ZNF385B: variants seen among roughly 807,000 people sequenced by gnomAD.
ZNF385B encodes the protein zinc finger protein 533.
Under a neutral mutation model 39.2 loss-of-function variants are expected in ZNF385B, and 23 were observed. The observed-to-expected ratio is 0.59, with a 90% CI of 0.42 to 0.83. The LOEUF (loss-of-function observed/expected upper bound fraction) is 0.83, where lower values mean the gene tolerates loss of function less well. Among genes scored for constraint, ZNF385B ranks in the 40% least tolerant of loss-of-function variants. The pLI is 0.00. For synonymous variants in ZNF385B, 205 were observed against 222.6 expected, an observed-to-expected ratio of 0.92 and a Z score of 0.70; for missense variants, 552 against 598.9, an observed-to-expected ratio of 0.92 and a Z score of 0.82.
At chr2:179,553,369 C>T (rs1262038970) in intron 3 of ZNF385B, among the ~76,000 whole-genome samples, 2 of 148,856 alleles carry the variant, frequency 1.3e-5, no homozygotes, top group African/African-American at 5.1e-5. Context: ...AGGCACAGTG[C>T]TAGCAATGAC....
chr2:179,555,419 C>T (rs985339236), intron 3 of ZNF385B, among the ~76,000 whole-genome samples: 8 of 149,354 alleles, frequency 5.4e-5, no homozygotes, highest in Non-Finnish European at 8.9e-5. Flanking sequence ...GGGGGGCCAG[C>T]TACACATGTA....
intron 6 of ZNF385B, among the ~76,000 whole-genome samples, chr2:179,475,357 T>G (rs921552902): frequency 1.5e-4 from 23 of 151,588 alleles, no homozygotes; most frequent in Non-Finnish European, 2.9e-4. Flanking sequence ...GTTTGAGCGA[T>G]TCTCCTGCCT....
At chr2:179,799,867 G>C (rs1347538958) in intron 1 of ZNF385B, among the ~76,000 whole-genome samples, 1 of 152,096 alleles carries the variant, frequency 6.6e-6, no homozygotes, top group Non-Finnish European at 1.5e-5. Flanking sequence ...GTGAATGAGA[G>C]CTTTGCAATC....
At chr2:179,528,353 C>T (rs891766305) in intron 4 of ZNF385B, among the ~76,000 whole-genome samples, 1 of 152,186 alleles carries the variant, frequency 6.6e-6, no homozygotes, top group African/African-American at 2.4e-5. Flanking sequence ...AAGTACTAGA[C>T]ACCTTTCATC....
At chr2:179,752,063 C>A (rs1025395938) in intron 3 of ZNF385B, among the ~76,000 whole-genome samples, 7 of 152,094 alleles carry the variant, frequency 4.6e-5, no homozygotes, top group African/African-American at 1.7e-4. Flanking sequence ...TTAGGTATAT[C>A]TCCTAATGTT....
chr2:179,748,241 T>C (rs958073185), intron 3 of ZNF385B, among the ~76,000 whole-genome samples: 12 of 151,846 alleles, frequency 7.9e-5, no homozygotes, highest in African/African-American at 2.2e-4. Context: ...ATGGAAAAGA[T>C]AGGCAAGAAG....
intron 3 of ZNF385B, among the ~76,000 whole-genome samples, chr2:179,551,167 G>A (rs1559460958): frequency 6.6e-6 from 1 of 151,894 alleles, no homozygotes; most frequent in Non-Finnish European, 1.5e-5. Context: ...AATCAAAATA[G>A]GGTGCCGCCC....
At chr2:179,769,033 T>G (rs1236903802) in intron 3 of ZNF385B, among the ~76,000 whole-genome samples, 1 of 152,198 alleles carries the variant, frequency 6.6e-6, no homozygotes, top group Non-Finnish European at 1.5e-5. Context: ...TATGACAAGT[T>G]TAACATGCAA....
chr2:179,700,630 A>T (rs1699120950), intron 3 of ZNF385B, among the ~76,000 whole-genome samples: 1 of 152,226 alleles, frequency 6.6e-6, no homozygotes, highest in South Asian at 2.1e-4. Flanking sequence ...TGCTGAATAA[A>T]TTCAGTTTCA....
At chr2:179,607,077 G>A (rs1417747947) in intron 3 of ZNF385B, among the ~76,000 whole-genome samples, 2 of 152,156 alleles carry the variant, frequency 1.3e-5, no homozygotes, top group Non-Finnish European at 2.9e-5. Flanking sequence ...GCTTATCCAG[G>A]GAGGATGTCA....
chr2:179,559,740 T>C (rs1171373333), intron 3 of ZNF385B, among the ~76,000 whole-genome samples: 1 of 152,100 alleles, frequency 6.6e-6, no homozygotes, highest in Admixed American at 6.5e-5. Flanking sequence ...ATTTGACATA[T>C]CCATTATCTC....
rs1252776788 is a variant in ZNF385B, at chr2:179,493,718, TATAC to T, written c.553-10288_553-10285del. ...ATACATATATGTATACACATATGCA[TATAC>T]GTATATACATATATGTATACATATG... On this transcript the variant is annotated intron_variant, in intron 5 of 9. Coordinates refer to ENST00000410066, the MANE Select transcript of ZNF385B (RefSeq NM_152520.6). 1.5e-3 allele frequency among the ~76,000 whole-genome samples: 197 copies of T among 131,542 alleles called. 15 individuals carry two copies. Among genetic ancestry groups the T allele is most frequent in the South Asian group, 2.2e-3 (9 of 4,122 alleles). 86.3% of individuals were successfully genotyped at this position (131,542 alleles called of 152,430 possible).
At chr2:179,843,893 T>C (rs1041072623) in intron 1 of ZNF385B, among the ~76,000 whole-genome samples, 2 of 152,230 alleles carry the variant, frequency 1.3e-5, no homozygotes, top group African/African-American at 2.4e-5. Context: ...TCTAATAACA[T>C]GGAAAATTCC....
At chr2:179,684,340 T>C (rs1697762063) in intron 3 of ZNF385B, among the ~76,000 whole-genome samples, 1 of 152,154 alleles carries the variant, frequency 6.6e-6, no homozygotes, top group African/African-American at 2.4e-5. Context: ...AGGTAAACAA[T>C]TACATCTTCA....
chr2:179,520,725 T>G (rs1347191596), intron 4 of ZNF385B, among the ~76,000 whole-genome samples: 1 of 152,216 alleles, frequency 6.6e-6, no homozygotes, highest in Non-Finnish European at 1.5e-5. Flanking sequence ...TCTCAGGCTC[T>G]GAAAAATACT....
At chr2:179,758,587 A>G (rs1703185405) in intron 3 of ZNF385B, among the ~76,000 whole-genome samples, 1 of 152,378 alleles carries the variant, frequency 6.6e-6, no homozygotes, top group African/African-American at 2.4e-5. Flanking sequence ...CATTCAAACC[A>G]TAGCACCTTG....
chr2:179,827,605 C>T, intron 1 of ZNF385B, among the ~76,000 whole-genome samples: 1 of 151,604 alleles, frequency 6.6e-6, no homozygotes, highest in East Asian at 1.9e-4. Context: ...AAAAATAAAC[C>T]TCACATATCT....
intron 3 of ZNF385B, among the ~76,000 whole-genome samples, chr2:179,748,319 C>T (rs1702494947): frequency 6.6e-6 from 1 of 152,048 alleles, no homozygotes; most frequent in African/African-American, 2.4e-5. Context: ...CATTGATCAC[C>T]TAAACTCTAT....
rs1320715960 is a variant in ZNF385B at position 179,473,428 on chromosome 2, G to C, written c.715+9844C>G. On this transcript the variant is annotated intron_variant, in intron 6 of 9. Transcript: ENST00000410066. ...CTTTTTATGGCTACCAATTTACTGA[G>C]TGTCTGTGGCATGACAGGCATTGAG... is the stretch of plus-strand genomic sequence containing the variant. Among the ~76,000 whole-genome samples the C allele has an allele frequency of 4.6e-5, 7 of 152,288 alleles. No homozygotes were observed. In the East Asian group the frequency reaches 1.3e-3, roughly 29 times the overall value.
Sources: gnomAD v4.1 joint callset for allele counts (sites outside exome capture counted in the v4.1 genomes callset) on GRCh38, gnomAD v4.1.1 for gene constraint, MANE v1.5 for transcripts, NCBI Gene and HGNC (gene_info 2026-07-23, HGNC 2026-07-21) for gene names.